The following ABAT variants were observed in gnomAD, a reference collection of about 807,000 sequenced individuals.
ABAT encodes 4-aminobutyrate aminotransferase.
ABAT carries 45 observed loss-of-function variants against 64.6 expected under a neutral mutation model. That is an observed-to-expected ratio of 0.70 (90% CI 0.55 to 0.89). The LOEUF is 0.89. Among genes scored for constraint, ABAT ranks in the 40% least tolerant of loss-of-function variants. ABAT has a pLI of 0.00. For missense variants in ABAT, 633 were observed against 658.4 expected (o/e 0.96, Z 0.42); for synonymous variants, 297 against 250.5 (o/e 1.19, Z -1.75).
intron 5 of ABAT, among the ~76,000 whole-genome samples, chr16:8,751,059 A>C (rs1032306412): frequency 6.8e-6 from 1 of 146,378 alleles, no homozygotes; most frequent in Non-Finnish European, 1.5e-5. Context: ...AGTGATTCTC[A>C]TGCCTCAGCC....
intron 1 of ABAT, among the ~76,000 whole-genome samples, chr16:8,720,206 A>T (rs1360224805): frequency 6.6e-6 from 1 of 152,190 alleles, no homozygotes; most frequent in Non-Finnish European, 1.5e-5. Flanking sequence ...AATTGACCCT[A>T]AGCCAGTTGA....
At chr16:8,751,266 G>A (rs2059473414) in intron 5 of ABAT, among the ~76,000 whole-genome samples, 1 of 151,866 alleles carries the variant, frequency 6.6e-6, no homozygotes, top group Non-Finnish European at 1.5e-5. Flanking sequence ...TTTATTTTTT[G>A]TAGAGATGGT....
intron 1 of ABAT, among the ~76,000 whole-genome samples, chr16:8,706,775 C>T (rs551860355): frequency 6.6e-5 from 10 of 152,268 alleles, no homozygotes; most frequent in South Asian, 2.1e-4. Flanking sequence ...GAAAGAATTA[C>T]GCAAGAAGCT....
chr16:8,734,337 T>A (rs1172145503), intron 1 of ABAT, among the ~76,000 whole-genome samples: 1 of 152,192 alleles, frequency 6.6e-6, no homozygotes, highest in African/African-American at 2.4e-5. Flanking sequence ...CATTCATCCC[T>A]GTATGTCCAG....
At chr16:8,713,676 T>C in intron 1 of ABAT, 1 of 342,448 alleles carries the variant, frequency 2.9e-6, no homozygotes, top group South Asian at 2.1e-5. Flanking sequence ...TTCTGTCTCC[T>C]CCACCTGTCC....
intron 1 of ABAT, among the ~76,000 whole-genome samples, chr16:8,732,008 C>T (rs1256822657): frequency 6.6e-6 from 1 of 151,454 alleles, no homozygotes; most frequent in African/African-American, 2.4e-5. Context: ...AGCTCACAAC[C>T]ACGCCCGGGT....
At chr16:8,757,243 A>G (rs773265550) in intron 5 of ABAT, 16 of 443,948 alleles carry the variant, frequency 3.6e-5, no homozygotes, top group Middle Eastern at 7.1e-4. Flanking sequence ...TCTCAACTCA[A>G]TGCAACCTCC....
At chr16:8,699,610 G>A (rs951192222) in intron 1 of ABAT, among the ~76,000 whole-genome samples, 1 of 152,098 alleles carries the variant, frequency 6.6e-6, no homozygotes, top group Admixed American at 6.6e-5. Context: ...CACCCAGGCT[G>A]GAGTGCAGTG....
chr16:8,710,727 A>AGAGG (rs1555485684), intron 1 of ABAT, among the ~76,000 whole-genome samples: 1 of 103,700 alleles, frequency 9.6e-6, no homozygotes, highest in Non-Finnish European at 2.1e-5. Flanking sequence ...AGAGAGAGAG[A>AGAGG]GAGGAAATAG....
At chr16:8,713,812 G>A (rs1481023708) in intron 1 of ABAT, 1 of 455,266 alleles carries the variant, frequency 2.2e-6, no homozygotes, top group Non-Finnish European at 4.4e-6. Flanking sequence ...GCATACAGAA[G>A]GCATTTTAAG....
At chr16:8,685,978 C>T (rs1235178009) in intron 1 of ABAT, among the ~76,000 whole-genome samples, 1 of 152,202 alleles carries the variant, frequency 6.6e-6, no homozygotes. Context: ...CCTTTGAGCT[C>T]AGATTTCCTT....
chr16:8,733,766 C>T (rs990527950), intron 1 of ABAT, among the ~76,000 whole-genome samples: 2 of 148,584 alleles, frequency 1.3e-5, no homozygotes, highest in African/African-American at 2.6e-5. Flanking sequence ...GCCGAGATGG[C>T]AGCAGTACAG....
chr16:8,678,244 G>A lies in ABAT; in HGVS notation c.-42+3533G>A, dbSNP rs1369476687. ...CTGGTTTTTGTTTTTCTCTTTAGTA[G>A]AGACAGAGTCGGGTGGTCTCTAACT... On this transcript the variant is annotated intron_variant, in intron 1 of 15. Coordinates refer to ENST00000268251, the MANE Select transcript of ABAT (RefSeq NM_020686.6). 2.6e-5 allele frequency among the ~76,000 whole-genome samples: 4 copies of A among 152,078 alleles called. No individual in the cohort carries two copies. In the East Asian group the frequency reaches 7.7e-4, roughly 29 times the overall value.
intron 4 of ABAT, among the ~76,000 whole-genome samples, chr16:8,748,756 A>T (rs113760474): frequency 2.0e-5 from 3 of 151,898 alleles, no homozygotes; most frequent in Admixed American, 2.0e-4. Context: ...TAGTGGATTG[A>T]CCCTTTATAA....
chr16:8,776,484 C>T lies in ABAT; in HGVS notation c.1263C>T (p.Asp421=). The stretch of plus-strand genomic sequence containing the variant: ...AGGCCCTGCTCACAGGACTGCTGGA[C>T]CTCCAGGTAACACCCCCTCCCCTGC... ...AGKALLTGLL[D]LQARYPQFIS... The change falls in exon 14 of 16, where the codon GAC becomes GAT. Residue 421 remains aspartate (D), a synonymous_variant. Transcript: ENST00000268251. This position sits in a 1 kb window ranked among gnomAD's most constrained non-coding sequence, Gnocchi z 4.4. 2 of 1,613,414 alleles carry T rather than the reference C, an allele frequency of 1.2e-6. No homozygotes were observed. Among genetic ancestry groups the T allele is most frequent in the Non-Finnish European group, 1.7e-6 (2 of 1,179,842 alleles).
intron 1 of ABAT, among the ~76,000 whole-genome samples, chr16:8,690,395 C>A (rs900941217): frequency 1.3e-5 from 2 of 152,198 alleles, no homozygotes; most frequent in African/African-American, 2.4e-5. Flanking sequence ...AACACAGAAG[C>A]TTAGAGAGCT....
At chr16:8,728,694 T>G (rs1391503964) in intron 1 of ABAT, among the ~76,000 whole-genome samples, 1 of 152,026 alleles carries the variant, frequency 6.6e-6, no homozygotes, top group African/African-American at 2.4e-5. Flanking sequence ...GCCAACATGG[T>G]AAAACCTCAT....
chr16:8,697,050 A>G (rs2057719298), intron 1 of ABAT, among the ~76,000 whole-genome samples: 1 of 152,204 alleles, frequency 6.6e-6, no homozygotes, highest in Non-Finnish European at 1.5e-5. Flanking sequence ...ATGAATCATG[A>G]ACGAATGAGA....
At chr16:8,701,565 C>T (rs1197649107) in intron 1 of ABAT, among the ~76,000 whole-genome samples, 1 of 152,204 alleles carries the variant, frequency 6.6e-6, no homozygotes, top group Non-Finnish European at 1.5e-5. Context: ...CTTTGCTGTG[C>T]CTCAGTTTTT....
Sources: gnomAD v4.1 joint callset for allele counts (sites outside exome capture counted in the v4.1 genomes callset) on GRCh38, gnomAD v4.1.1 for gene constraint, Gnocchi (gnomAD v3.1) non-coding constraint, MANE v1.5 for transcripts, NCBI Gene and HGNC (gene_info 2026-07-23, HGNC 2026-07-21) for gene names.